RABGEF1: variants seen among roughly 807,000 people sequenced by gnomAD.
RABGEF1 encodes the protein rab5 GDP/GTP exchange factor.
RABGEF1 carries 26 observed loss-of-function variants against 57.3 expected under a neutral mutation model. That is an observed-to-expected ratio of 0.45 (90% CI 0.33 to 0.63). RABGEF1 has a LOEUF of 0.63. Among genes scored for constraint, RABGEF1 ranks in the 20% least tolerant of loss-of-function variants. The pLI, the probability that RABGEF1 is intolerant of heterozygous loss-of-function variation, is 0.02. For missense variants in RABGEF1, 464 were observed against 607.6 expected, an observed-to-expected ratio of 0.76 and a Z score of 2.48; for synonymous variants, 185 against 210.7, an observed-to-expected ratio of 0.88 and a Z score of 1.06.
chr7:66,770,096 G>T (rs1321154350), intron 1 of RABGEF1, among the ~76,000 whole-genome samples: 1 of 152,120 alleles, frequency 6.6e-6, no homozygotes, highest in African/African-American at 2.4e-5. Flanking sequence ...GCGTTTTTCA[G>T]TCTGCCTGTA....
At chr7:66,756,322 A>G (rs570207304) in intron 1 of RABGEF1, among the ~76,000 whole-genome samples, 1 of 152,342 alleles carries the variant, frequency 6.6e-6, no homozygotes, top group South Asian at 2.1e-4. Flanking sequence ...ATTCCCTCAT[A>G]CACTGTAGGT....
At chr7:66,790,990 T>A (rs761932982) in intron 4 of RABGEF1, among the ~76,000 whole-genome samples, 25 of 152,234 alleles carry the variant, frequency 1.6e-4, no homozygotes, top group Non-Finnish European at 3.5e-4. Context: ...TGTGTGTCTC[T>A]TGTGCAACTT....
chr7:66,742,755 T>C (rs1267132976), intron 1 of RABGEF1, among the ~76,000 whole-genome samples: 1 of 152,124 alleles, frequency 6.6e-6, no homozygotes, highest in Non-Finnish European at 1.5e-5. Flanking sequence ...TGCAGATGCG[T>C]GCCACCACAC....
chr7:66,785,774 T>C (rs1251327408), intron 4 of RABGEF1, among the ~76,000 whole-genome samples: 3 of 151,830 alleles, frequency 2.0e-5, no homozygotes, highest in Non-Finnish European at 2.9e-5. Flanking sequence ...CTTGGGAGGC[T>C]GAGGCAGGAG....
chr7:66,744,382 AAGAT>A (rs1329552951), intron 1 of RABGEF1, among the ~76,000 whole-genome samples: 154 of 151,940 alleles, frequency 1.0e-3, no homozygotes, highest in African/African-American at 3.4e-3. Context: ...AAAAAAAAAA[AAGAT>A]AGCCGGGCGC....
At chr7:66,736,419 C>T (rs539260078), upstream of RABGEF1, among the ~76,000 whole-genome samples, 7 of 152,212 alleles carry the variant, frequency 4.6e-5, no homozygotes, top group East Asian at 1.3e-3. Flanking sequence ...ATTTAACTTG[C>T]CCTATAGACA....
At chr7:66,707,864 T>G (rs1794316203) in intron 1 of RABGEF1, among the ~76,000 whole-genome samples, 1 of 152,218 alleles carries the variant, frequency 6.6e-6, no homozygotes, top group African/African-American at 2.4e-5. Flanking sequence ...TATAATGTCC[T>G]TCTTTGTCTC....
chr7:66,734,804 C>T (rs1189804813), intron 2 of RABGEF1, among the ~76,000 whole-genome samples: 5 of 152,026 alleles, frequency 3.3e-5, no homozygotes, highest in South Asian at 2.1e-4. Flanking sequence ...TCAAAAATGA[C>T]GGACACTGCT....
At chr7:66,803,888 CAAA>C (rs761300031) in intron 7 of RABGEF1, among the ~76,000 whole-genome samples, 7 of 108,668 alleles carry the variant, frequency 6.4e-5, no homozygotes, top group Admixed American at 9.7e-5. Context: ...GATGCTGTCT[CAAA>C]AAAAAAAAAA....
At chr7:66,744,369 CAA>C (rs947458817) in intron 1 of RABGEF1, among the ~76,000 whole-genome samples, 10 of 120,368 alleles carry the variant, frequency 8.3e-5, no homozygotes, top group Non-Finnish European at 1.2e-4. Context: ...TGCATCTCTA[CAA>C]AAAAAAAAAA....
chr7:66,739,411 T>G (rs1384659072), upstream of RABGEF1, among the ~76,000 whole-genome samples: 2 of 150,710 alleles, frequency 1.3e-5, no homozygotes, highest in Non-Finnish European at 3.0e-5. Context: ...TCCTAGCACT[T>G]TGGGAAGCCA....
chr7:66,728,187 G>T (rs907259997), intron 2 of RABGEF1, among the ~76,000 whole-genome samples: 2 of 152,188 alleles, frequency 1.3e-5, no homozygotes, highest in South Asian at 2.1e-4. Context: ...AATTGGGAGG[G>T]CCTATCCCTA....
At chr7:66,788,503 C>A (rs577252407) in intron 4 of RABGEF1, among the ~76,000 whole-genome samples, 20 of 151,896 alleles carry the variant, frequency 1.3e-4, no homozygotes, top group Admixed American at 9.8e-4. Context: ...TTTCTCAATT[C>A]AGTTATTTTT....
chr7:66,724,701 A>C (rs1264003102), intron 2 of RABGEF1, among the ~76,000 whole-genome samples: 2 of 152,168 alleles, frequency 1.3e-5, no homozygotes, highest in Admixed American at 1.3e-4. Flanking sequence ...AGTTTCTTGG[A>C]TCTTTGGGTT....
intron 1 of RABGEF1, among the ~76,000 whole-genome samples, chr7:66,682,650 C>T (rs987276110): frequency 6.6e-6 from 1 of 152,164 alleles, no homozygotes; most frequent in Non-Finnish European, 1.5e-5. Flanking sequence ...CATCCCAGGA[C>T]CTCCCCGGAA....
At chr7:66,734,188 C>G (rs768150860) in intron 2 of RABGEF1, among the ~76,000 whole-genome samples, 1 of 152,160 alleles carries the variant, frequency 6.6e-6, no homozygotes, top group Non-Finnish European at 1.5e-5. Context: ...AGCCATGCCC[C>G]AAACCACAGA....
chr7:66,707,534 A>G, intron 1 of RABGEF1, among the ~76,000 whole-genome samples: 1 of 152,144 alleles, frequency 6.6e-6, no homozygotes, highest in East Asian at 1.9e-4. Flanking sequence ...CTAAAAATGC[A>G]AAAACCAGCC....
chr7:66,766,852 G>C (rs1206235426), intron 1 of RABGEF1, among the ~76,000 whole-genome samples: 1 of 151,884 alleles, frequency 6.6e-6, no homozygotes, highest in Non-Finnish European at 1.5e-5. Context: ...AGCCTCCTGA[G>C]TACCTGGGAT....
upstream of RABGEF1, among the ~76,000 whole-genome samples, chr7:66,737,073 T>TGAGGGA: frequency 8.5e-6 from 1 of 117,152 alleles, no homozygotes; most frequent in East Asian, 2.5e-4. Context: ...AGAGAGAGAG[T>TGAGGGA]GAGAGAGAGA....
Sources: allele counts gnomAD v4.1 joint callset (sites outside exome capture counted in the v4.1 genomes callset), GRCh38; gene constraint gnomAD v4.1.1; transcripts MANE v1.5; gene names NCBI Gene and HGNC (gene_info 2026-07-23, HGNC 2026-07-21).